The following ISL1 variants were observed in gnomAD, a reference collection of about 807,000 sequenced individuals.
The protein encoded by ISL1 is insulin gene enhancer protein ISL-1.
A neutral mutation model predicts 35.3 loss-of-function variants in ISL1; 4 were observed. The ratio of observed to expected loss-of-function variants is 0.11; its 90% CI spans 0.06 to 0.26. The LOEUF (loss-of-function observed/expected upper bound fraction) is 0.26. Among genes scored for constraint, ISL1 ranks in the 10% least tolerant of loss-of-function variants. The pLI is 1.00. For missense variants in ISL1, 340 were observed against 472.8 expected, an observed-to-expected ratio of 0.72 and a Z score of 2.60; for synonymous variants, 186 against 172.3, an observed-to-expected ratio of 1.08 and a Z score of -0.62.
intron 3 of ISL1, among the ~76,000 whole-genome samples, chr5:51,388,916 A>T (rs145821130): frequency 3.5e-4 from 53 of 152,174 alleles, no homozygotes; most frequent in African/African-American, 1.2e-3. Flanking sequence ...AGCTCAACAG[A>T]GTTTCCGTTT....
At position 51,393,930 on chromosome 5, in the gene ISL1, C is replaced by T. The variant is rs763842637; in HGVS notation, c.*320C>T. The T allele has an allele frequency of 2.8e-6, 1 of 359,954 alleles. No individual in the cohort carries two copies. Among genetic ancestry groups the T allele is most frequent in the South Asian group, 2.8e-5 (1 of 36,138 alleles). The allele number at this position is 359,954 out of a possible 1,614,324, so 22.3% of individuals were successfully genotyped here. On this transcript the variant is annotated 3_prime_UTR_variant, in exon 6 of 6. Coordinates refer to ENST00000230658, the MANE Select transcript of ISL1 (RefSeq NM_002202.3). ...TTATATTCAAGGATCTCAAAGAAAG[C>T]ATTTTCATTTCACTGCACATCTAGA... is the stretch of plus-strand genomic sequence containing the variant.
In ISL1 at chr5:51,393,536, A is replaced by G; in HGVS notation, c.976A>G (p.Ser326Gly). ...AGGACCGGGCTCTAATTCCACTGGC[A>G]GTGAAGTAGCATCAATGTCCTCTCA... Reference protein sequence around the residue: ...EGGPGSNSTGSEVASMSSQLP... With the variant: ...EGGPGSNSTGGEVASMSSQLP... The change falls in exon 6 of 6, where the codon AGT becomes GGT. Residue 326 changes from serine (S) to glycine (G), a missense_variant. Around this residue, in one of 7 missense-constraint regions of ISL1, gnomAD observed 104 missense variants for 97.3 expected, o/e 1.07. Transcript: ENST00000230658. 6.2e-7 allele frequency: 1 copy of G among 1,614,046 alleles called. No individual in the cohort carries two copies.
At position 51,389,608 on chromosome 5, in the gene ISL1, C is replaced by G. The variant is rs765581067; in HGVS notation, c.479-38C>G. On this transcript the variant is annotated intron_variant, in intron 3 of 5. Coordinates refer to ENST00000230658, the MANE Select transcript of ISL1 (RefSeq NM_002202.3). This position sits in a 1 kb window ranked among gnomAD's most constrained non-coding sequence, Gnocchi z 5.0. ...GACCGCGGGCGGGCCGGCAAGCGAGCCTCCAGCCCAGCGCTCACGGCGCTC... is the reference window on the plus strand; with the variant it reads ...GACCGCGGGCGGGCCGGCAAGCGAGGCTCCAGCCCAGCGCTCACGGCGCTC... 6.6e-7 allele frequency: 1 copy of G among 1,514,752 alleles called. No individual in the cohort carries two copies. The highest frequency in any genetic ancestry group is 8.8e-7 in the Non-Finnish European group (1 of 1,135,188). 93.8% of individuals were successfully genotyped at this position (1,514,752 alleles called of 1,614,324 possible).
intron 4 of ISL1, among the ~76,000 whole-genome samples, chr5:51,390,190 G>A (rs1001866059): frequency 6.6e-6 from 1 of 152,158 alleles, no homozygotes; most frequent in African/African-American, 2.4e-5. Context: ...CCTCGTGGGT[G>A]GGCTCATGCC....
In ISL1 at chr5:51,393,873, A is replaced by G. The variant is rs1167416383; in HGVS notation, c.*263A>G. On this transcript the variant is annotated 3_prime_UTR_variant, in exon 6 of 6. Transcript: ENST00000230658. ...CTATTCAATGATCTTAGAAGTACTGAAAAAAAAAGACGTTTTTAAAACGTA... is the reference window on the plus strand; with the variant it reads ...CTATTCAATGATCTTAGAAGTACTGGAAAAAAAAGACGTTTTTAAAACGTA... 2 of 460,546 alleles carry G rather than the reference A, an allele frequency of 4.3e-6. No individual in the cohort carries two copies. Among genetic ancestry groups the G allele is most frequent in the Non-Finnish European group, 7.8e-6 (2 of 254,984 alleles). 28.5% of individuals were successfully genotyped at this position (460,546 alleles called of 1,614,324 possible).
rs1451295340 is a variant in ISL1, at chr5:51,387,103, A to G, written c.219-387A>G. 2.0e-5 allele frequency among the ~76,000 whole-genome samples: 3 copies of G among 151,854 alleles called. No homozygotes were observed. The highest frequency in any genetic ancestry group is 4.4e-5 in the Non-Finnish European group (3 of 67,958). ...AGTCTTTCTGGATTCCTTCCTGCCA[A>G]GATCTGCAAGATCAACACTGGGATT... On this transcript the variant is annotated intron_variant, in intron 2 of 5. Coordinates refer to ENST00000230658, the MANE Select transcript of ISL1 (RefSeq NM_002202.3). The surrounding 1 kb of genome is among the most constrained non-coding windows in gnomAD (Gnocchi z 4.3).
chr5:51,389,777 C>T lies in ISL1; in HGVS notation c.610C>T (p.Pro204Ser). The T allele has an allele frequency of 6.2e-7, 1 of 1,614,206 alleles. No homozygotes were observed. The change falls in exon 4 of 6, where the codon CCG becomes TCG. Residue 204 changes from proline (P) to serine (S), a missense_variant. Pro to Ser is a moderately conservative substitution (Grantham distance 74). Around this residue, in one of 7 missense-constraint regions of ISL1, gnomAD observed 24 missense variants for 59.7 expected, o/e 0.40. Transcript: ENST00000230658. This position sits in a 1 kb window ranked among gnomAD's most constrained non-coding sequence, Gnocchi z 5.0. ...HTLRTCYAANPRPDALMKEQL... is the reference protein window; with the variant it reads ...HTLRTCYAANSRPDALMKEQL... ...CTTGCGGACCTGCTACGCCGCAAAC[C>T]CGCGGCCAGATGCGCTCATGAAGGA...
chr5:51,384,511 T>C (rs1464977543), intron 1 of ISL1, 30 bp from the exon 2 acceptor site: 1 of 1,601,984 alleles, frequency 6.2e-7, no homozygotes, highest in Non-Finnish European at 8.6e-7. Context: ...AGTAAACGGT[T>C]AGTCAATCAT....
chr5:51,384,757 T>A (rs1561205812), intron 2 of ISL1, 27 bp downstream of exon 2: 5 of 1,588,642 alleles, frequency 3.1e-6, no homozygotes, highest in Non-Finnish European at 3.5e-6. Context: ...TCTTTCTTAA[T>A]TTTGTGGGAT....
chr5:51,384,416 AAAG>A lies in ISL1; in HGVS notation c.29-122_29-120del, dbSNP rs1402140801. 3,722 of 770,250 alleles carry A rather than the reference AAAG, an allele frequency of 4.8e-3. 91 individuals carry two copies. In the African/African-American group the frequency reaches 0.067, roughly 14 times the overall value. 47.7% of individuals were successfully genotyped at this position (770,250 alleles called of 1,614,324 possible). ...AGTGCAATGCTCTAAAAAAAAAAAA[AAAG>A]AAAGAAAGAAAGAAAGAAAAAAACC... is the stretch of plus-strand genomic sequence containing the variant. On this transcript the variant is annotated intron_variant, in intron 1 of 5. Coordinates refer to ENST00000230658, the MANE Select transcript of ISL1 (RefSeq NM_002202.3).
intron 4 of ISL1, 33 bp from the exon 5 acceptor site, chr5:51,391,241 C>A: frequency 6.2e-7 from 1 of 1,609,834 alleles, no homozygotes. Flanking sequence ...TGCTCATTAA[C>A]ATGTTGGGAT....
chr5:51,390,025 A>T (rs1747451965), intron 4 of ISL1, 93 bp downstream of exon 4: 8 of 1,419,816 alleles, frequency 5.6e-6, no homozygotes, highest in Non-Finnish European at 7.7e-6. Context: ...CACGGTTTTC[A>T]ATCCTGCTCC....
At chr5:51,391,677 C>G (rs1747519124) in intron 5 of ISL1, among the ~76,000 whole-genome samples, 1 of 151,734 alleles carries the variant, frequency 6.6e-6, no homozygotes, top group Admixed American at 6.6e-5. Flanking sequence ...AATTTTCTAT[C>G]AATCAGGCCT....
intron 5 of ISL1, among the ~76,000 whole-genome samples, chr5:51,392,550 G>A (rs759065368): frequency 2.6e-5 from 4 of 152,164 alleles, no homozygotes; most frequent in Non-Finnish European, 5.9e-5. Context: ...TGGGTGCAGA[G>A]GCTAGAAGTC....
Position 51,383,463 on chromosome 5 carries a change from G to C in ISL1, c.-209G>C. 1.6e-6 allele frequency: 1 copy of C among 618,730 alleles called. No homozygotes were observed. Among genetic ancestry groups the C allele is most frequent in the South Asian group, 1.9e-5 (1 of 52,014 alleles). The allele number at this position is 618,730 out of a possible 1,614,324, so 38.3% of individuals were successfully genotyped here. Reference sequence around the variant, plus strand: ...GAGCCGCGCCGAGTCTGCCGCCGCCGCAGCGCCTCCGCTCCGCCAACTCCG... The same window carrying C: ...GAGCCGCGCCGAGTCTGCCGCCGCCCCAGCGCCTCCGCTCCGCCAACTCCG... On this transcript the variant is annotated 5_prime_UTR_variant, in exon 1 of 6. Transcript: ENST00000230658.
intron 3 of ISL1, among the ~76,000 whole-genome samples, chr5:51,388,272 T>C (rs1396485940): frequency 6.6e-6 from 1 of 152,202 alleles, no homozygotes; most frequent in African/African-American, 2.4e-5. Context: ...TATCTTTCTG[T>C]GAGAGAACAG....
At chr5:51,388,112 C>T (rs545920835) in intron 3 of ISL1, among the ~76,000 whole-genome samples, 1 of 152,364 alleles carries the variant, frequency 6.6e-6, no homozygotes, top group South Asian at 2.1e-4. Flanking sequence ...TATTCTCCTG[C>T]TGCCTAATTA....
At chr5:51,385,804 G>A (rs1580727370) in intron 2 of ISL1, among the ~76,000 whole-genome samples, 1 of 152,092 alleles carries the variant, frequency 6.6e-6, no homozygotes, top group Admixed American at 6.5e-5. Context: ...CTATTAACAA[G>A]TAATTAATTA....
rs575155359 is a variant in ISL1 at position 51,393,913 on chromosome 5, A to G, written c.*303A>G. 2.6e-6 allele frequency: 1 copy of G among 384,984 alleles called. No homozygotes were observed. Among genetic ancestry groups the G allele is most frequent in the East Asian group, 5.8e-5 (1 of 17,160 alleles). 23.8% of individuals were successfully genotyped at this position (384,984 alleles called of 1,614,324 possible). ...TTTAAAACGTAGAGGATTTATATTC[A>G]AGGATCTCAAAGAAAGCATTTTCAT... On this transcript the variant is annotated 3_prime_UTR_variant, in exon 6 of 6. Transcript: ENST00000230658.
Sources: gnomAD v4.1 joint callset for allele counts (sites outside exome capture counted in the v4.1 genomes callset) on GRCh38, gnomAD v4.1.1 for gene constraint, gnomAD v4.1.1 regional missense constraint, Gnocchi (gnomAD v3.1) non-coding constraint, MANE v1.5 for transcripts, NCBI Gene and HGNC (gene_info 2026-07-23, HGNC 2026-07-21) for gene names.